LOC128462377: variants seen among roughly 807,000 people sequenced by gnomAD.
At chr16:89,345,811 T>TGCTA in the LOC128462377 span, among the ~76,000 whole-genome samples, 1 of 152,080 alleles carries the variant, frequency 6.6e-6, no homozygotes, top group Non-Finnish European at 1.5e-5. Flanking sequence ...CCTCTATCAA[T>TGCTA]GCTAGGTACA....
chr16:89,323,977 A>G, the LOC128462377 span: 1 of 220,804 alleles, frequency 4.5e-6, no homozygotes, highest in Non-Finnish European at 9.1e-6. Context: ...CTGCACCCCA[A>G]AATTCACAGG....
chr16:89,328,025 CA>C, the LOC128462377 span, among the ~76,000 whole-genome samples: 1 of 152,156 alleles, frequency 6.6e-6, no homozygotes, highest in Non-Finnish European at 1.5e-5. Flanking sequence ...AAGTATCAAA[CA>C]ACAAACATTA....
the LOC128462377 span, among the ~76,000 whole-genome samples, chr16:89,398,605 G>T: frequency 1.3e-5 from 2 of 152,164 alleles, no homozygotes; most frequent in African/African-American, 4.8e-5. Context: ...AGCTGGGTGT[G>T]TTGGCACCTG....
the LOC128462377 span, among the ~76,000 whole-genome samples, chr16:89,317,442 G>C: frequency 6.6e-6 from 1 of 152,204 alleles, no homozygotes; most frequent in Admixed American, 6.5e-5. Context: ...CCACAAGGCA[G>C]TCCCTTCCCC....
At chr16:89,388,027 A>C in the LOC128462377 span, among the ~76,000 whole-genome samples, 1 of 151,808 alleles carries the variant, frequency 6.6e-6, no homozygotes, top group African/African-American at 2.4e-5. Context: ...AAAAAAAAAA[A>C]GGACTGTGCT....
chr16:89,383,686 C>T, the LOC128462377 span, among the ~76,000 whole-genome samples: 2 of 151,870 alleles, frequency 1.3e-5, no homozygotes, highest in Non-Finnish European at 2.9e-5. Context: ...ACGCAGCAGA[C>T]GTCCAGCCCC....
At chr16:89,322,845 T>TTTTGTTTG in the LOC128462377 span, among the ~76,000 whole-genome samples, 2 of 152,298 alleles carry the variant, frequency 1.3e-5, no homozygotes, top group Non-Finnish European at 2.9e-5. Flanking sequence ...TGAAGAGTTC[T>TTTTGTTTG]TTTGTTTGTT....
chr16:89,359,761 T>C, the LOC128462377 span, among the ~76,000 whole-genome samples: 1 of 152,174 alleles, frequency 6.6e-6, no homozygotes, highest in Admixed American at 6.5e-5. Context: ...CAGAAGATGT[T>C]TGCATTTTAG....
chr16:89,384,879 C>CTTTTTTTTTTTTTTTTTTTTT, the LOC128462377 span, among the ~76,000 whole-genome samples: 87 of 49,940 alleles, frequency 1.7e-3, 15 homozygotes, highest in Admixed American at 2.5e-3. Flanking sequence ...AAATAGTTTT[C>CTTTTTTTTTTTTTTTTTTTTT]TTTTTTTTTT....
the LOC128462377 span, among the ~76,000 whole-genome samples, chr16:89,384,885 T>TTTTTTTTTTTTTC: frequency 9.1e-6 from 1 of 109,954 alleles, no homozygotes; most frequent in African/African-American, 3.8e-5. Flanking sequence ...TTTTCTTTTT[T>TTTTTTTTTTTTTC]TTTTTTTTTT....
chr16:89,374,409 G>A, the LOC128462377 span, among the ~76,000 whole-genome samples: 1 of 151,938 alleles, frequency 6.6e-6, no homozygotes, highest in Non-Finnish European at 1.5e-5. Flanking sequence ...TGTTCTACAT[G>A]GGCAGAGCTG....
the LOC128462377 span, among the ~76,000 whole-genome samples, chr16:89,385,845 C>A: frequency 2.0e-5 from 3 of 152,362 alleles, no homozygotes; most frequent in East Asian, 3.9e-4. Context: ...TTAGGCCAGA[C>A]ACCAGCGGCT....
At chr16:89,349,134 T>TAAAGAAAAAAAAAAAAAAAAAAAAAAAA in the LOC128462377 span, among the ~76,000 whole-genome samples, 1 of 16,576 alleles carries the variant, frequency 6.0e-5, no homozygotes, top group Non-Finnish European at 9.5e-5. Context: ...TCTCAAAAAG[T>TAAAGAAAAAAAAAAAAAAAAAAAAAAAA]AAAAAAAAAA....
At chr16:89,386,925 C>A in the LOC128462377 span, among the ~76,000 whole-genome samples, 1 of 152,072 alleles carries the variant, frequency 6.6e-6, no homozygotes, top group East Asian at 1.9e-4. Flanking sequence ...CACGCCTCGA[C>A]CACCGAGTCA....
chr16:89,404,832 G>GA, the LOC128462377 span, among the ~76,000 whole-genome samples: 2 of 152,236 alleles, frequency 1.3e-5, no homozygotes, highest in African/African-American at 2.4e-5. Flanking sequence ...CCTTGACGCT[G>GA]AATGTACTAC....
At chr16:89,342,798 A>C in the LOC128462377 span, among the ~76,000 whole-genome samples, 17 of 152,356 alleles carry the variant, frequency 1.1e-4, no homozygotes, top group Non-Finnish European at 2.2e-4. Context: ...AAACATGAAA[A>C]ACATTATTAC....
the LOC128462377 span, among the ~76,000 whole-genome samples, chr16:89,376,810 T>C: frequency 1.3e-5 from 2 of 152,150 alleles, no homozygotes; most frequent in Non-Finnish European, 1.5e-5. Context: ...AGAACATTTG[T>C]TAGTAAGAAA....
the LOC128462377 span, among the ~76,000 whole-genome samples, chr16:89,334,647 T>A: frequency 6.6e-6 from 1 of 151,884 alleles, no homozygotes; most frequent in East Asian, 1.9e-4. Flanking sequence ...TCAGCCACGC[T>A]CCATGAGGGG....
chr16:89,416,964 A>C, the LOC128462377 span, among the ~76,000 whole-genome samples: 2 of 151,810 alleles, frequency 1.3e-5, no homozygotes, highest in African/African-American at 4.8e-5. Flanking sequence ...GGCTCAGTCC[A>C]CCTCCAGATC....
Sources: allele counts gnomAD v4.1 joint callset (sites outside exome capture counted in the v4.1 genomes callset), GRCh38; gene constraint gnomAD v4.1.1; transcripts MANE v1.5.